The following RPGR variants were observed in gnomAD, a reference collection of about 807,000 sequenced individuals.
The protein encoded by RPGR is retinitis pigmentosa GTPase regulator, also known as X-linked retinitis pigmentosa GTPase regulator.
A neutral mutation model predicts 56.3 loss-of-function variants in RPGR; 10 were observed. That is an observed-to-expected ratio of 0.18 (90% CI 0.11 to 0.30). The LOEUF is 0.30. Ranked by LOEUF, RPGR falls within the 10% of genes least tolerant of loss-of-function variation. The probability of loss-of-function intolerance (pLI) is 1.00; values close to 1 mark genes in which losing one functional copy is unlikely to be tolerated. For missense variants in RPGR, 538 were observed against 590.9 expected (o/e 0.91, Z 0.93); for synonymous variants, 197 against 212.9 (o/e 0.93, Z 0.65).
rs200829873 is a variant in RPGR, at chrX:38,313,104, CAT to C, written c.620-2333_620-2332del. Among the ~76,000 whole-genome samples, 691 of 111,875 alleles carry C rather than the reference CAT, an allele frequency of 6.2e-3. 6 individuals are homozygous for C. The highest frequency in any genetic ancestry group is 0.028 in the Middle Eastern group (6 of 216). ...ACTTTTCTGTCTCTATATCTCTGCACATGTTTTTGTCTCTGCCTGGATTGTTC... is the reference window on the plus strand; with the variant it reads ...ACTTTTCTGTCTCTATATCTCTGCACGTTTTTGTCTCTGCCTGGATTGTTC... On this transcript the variant is annotated intron_variant, in intron 6 of 18. Transcript: ENST00000642395.
At chrX:38,290,935 C>T (rs963562214) in intron 13 of RPGR, 24 bp downstream of exon 13, 16 of 849,167 alleles carry the variant, frequency 1.9e-5, no homozygotes, top group Non-Finnish European at 2.7e-5. Context: ...CCAACAATAA[C>T]GAAAATAAAT....
At chrX:38,273,539 C>T in intron 17 of RPGR, 1 of 894,982 alleles carries the variant, frequency 1.1e-6, no homozygotes, top group Non-Finnish European at 1.6e-6. Flanking sequence ...AGACCTGATG[C>T]TCTCAGTGAA....
Position 38,276,668 on chromosome X carries a change from T to C in RPGR, c.2010A>G (p.Glu670=), listed in dbSNP as rs2066942790. 1 of 1,209,968 alleles carries C rather than the reference T, an allele frequency of 8.3e-7. No homozygotes were observed. The highest frequency in any genetic ancestry group is 1.7e-5 in the African/African-American group (1 of 57,777). ...TACTGTGATAACCTGTAGGAACACT[T>C]TCATCATCTCCCACAGTTTTCTTCT... The change falls in exon 16 of 19, where the codon GAA becomes GAG. Residue 670 remains glutamate, a synonymous_variant. Coordinates refer to ENST00000642395, the MANE Select transcript of RPGR (RefSeq NM_000328.3).
At chrX:38,316,909 G>C (rs2067837198) in intron 6 of RPGR, among the ~76,000 whole-genome samples, 1 of 111,849 alleles carries the variant, frequency 8.9e-6, no homozygotes, top group Non-Finnish European at 1.9e-5. Context: ...CAATTAGATG[G>C]AAAGTCATAA....
chrX:38,306,480 A>AATTGTAATCTAAT (rs1258123325), intron 7 of RPGR, among the ~76,000 whole-genome samples: 1 of 112,535 alleles, frequency 8.9e-6, no homozygotes, highest in Non-Finnish European at 1.9e-5. Flanking sequence ...TTTTCTAATA[A>AATTGTAATCTAAT]AAATGTTTGC....
intron 7 of RPGR, among the ~76,000 whole-genome samples, chrX:38,307,662 G>C (rs748175046): frequency 1.2e-3 from 131 of 111,437 alleles, no homozygotes; most frequent in African/African-American, 4.1e-3. Context: ...ATACTCTTCA[G>C]GTCCATTTCT....
At chrX:38,287,300 GT>G in intron 14 of RPGR, 55 bp from the exon 15 acceptor site, 1 of 1,201,362 alleles carries the variant, frequency 8.3e-7, no homozygotes, top group Non-Finnish European at 1.1e-6. Flanking sequence ...GATATTATGG[GT>G]TTAGTCTCTT....
intron 15 of RPGR, among the ~76,000 whole-genome samples, chrX:38,284,130 G>C (rs1601914913): frequency 2.7e-5 from 3 of 111,292 alleles, no homozygotes; most frequent in Middle Eastern, 4.6e-3. Flanking sequence ...CTGTGCAAAA[G>C]AACTCAACTA....
Position 38,287,888 on chromosome X carries a change from T to A in RPGR, c.1726A>T (p.Ile576Phe). 1 of 1,210,869 alleles carries A rather than the reference T, an allele frequency of 8.3e-7. No homozygotes were observed. The highest frequency in any genetic ancestry group is 1.1e-6 in the Non-Finnish European group (1 of 894,801). ...ACTTCCTCATCTGAAAATGCTTCGA[T>A]AGTCGTAGCTGGCTGCGTCATGAAA... is the stretch of plus-strand genomic sequence containing the variant. The change falls in exon 14 of 19, where the codon ATC becomes TTC. Residue 576 changes from isoleucine to phenylalanine, a missense_variant. Ile to Phe is a conservative substitution (Grantham distance 21). Transcript: ENST00000642395.
intron 7 of RPGR, among the ~76,000 whole-genome samples, chrX:38,307,546 AAG>A (rs755064553): frequency 8.9e-6 from 1 of 112,327 alleles, no homozygotes; most frequent in Admixed American, 9.4e-5. Flanking sequence ...TCTTTAGTGA[AAG>A]AAATTGGAAC....
intron 9 of RPGR, 34 bp from the exon 10 acceptor site, chrX:38,299,175 A>G (rs368860621): frequency 8.5e-5 from 100 of 1,180,832 alleles, no homozygotes; most frequent in Non-Finnish European, 1.1e-4. Context: ...ACTCATCAAC[A>G]TTGGCTTCAA....
chrX:38,310,839 C>CA, intron 6 of RPGR, 66 bp from the exon 7 acceptor site: 15 of 1,072,546 alleles, frequency 1.4e-5, no homozygotes, highest in African/African-American at 1.8e-5. Flanking sequence ...GTCTTACCGT[C>CA]AAAAAAAAGT....
At chrX:38,309,351 T>C (rs764487960) in intron 7 of RPGR, among the ~76,000 whole-genome samples, 8 of 112,129 alleles carry the variant, frequency 7.1e-5, no homozygotes, top group African/African-American at 2.3e-4. Flanking sequence ...CTACACATTG[T>C]AAATGTCACA....
chrX:38,292,656 A>C lies in RPGR; in HGVS notation c.1415-1172T>G, dbSNP rs766168402. On this transcript the variant is annotated intron_variant, in intron 11 of 18. Coordinates refer to ENST00000642395, the MANE Select transcript of RPGR (RefSeq NM_000328.3). ...TTTATCGTCTATATTTAAGGTATAAAACATGTTTGGGTATACATATACTAA... is the reference window on the plus strand; with the variant it reads ...TTTATCGTCTATATTTAAGGTATAACACATGTTTGGGTATACATATACTAA... Among the ~76,000 whole-genome samples the C allele has an allele frequency of 2.3e-3, 263 of 112,642 alleles. 1 individual carries two copies. The highest frequency in any genetic ancestry group is 0.023 in the Middle Eastern group (5 of 218).
intron 11 of RPGR, among the ~76,000 whole-genome samples, chrX:38,294,198 C>T (rs1051086779): frequency 1.8e-5 from 2 of 111,252 alleles, no homozygotes; most frequent in Non-Finnish European, 3.8e-5. Context: ...TTTGCATTCA[C>T]GACACTACGC....
At chrX:38,287,436 A>G in intron 14 of RPGR, 191 bp from the exon 15 acceptor site, 1 of 645,255 alleles carries the variant, frequency 1.5e-6, no homozygotes, top group South Asian at 2.2e-5. Context: ...CATCAGCTAT[A>G]CCCTGTTGAC....
intron 16 of RPGR, among the ~76,000 whole-genome samples, chrX:38,276,195 AACATACACAGGTGTGTGTAC>A (rs1454055166): frequency 1.8e-5 from 2 of 111,953 alleles, no homozygotes; most frequent in Non-Finnish European, 3.8e-5. Flanking sequence ...CACACATGTA[AACATACACAGGTGTGTGTAC>A]ACATACACAC....
chrX:38,312,443 A>G (rs1467804760), intron 6 of RPGR, among the ~76,000 whole-genome samples: 1 of 111,147 alleles, frequency 9.0e-6, no homozygotes, highest in Non-Finnish European at 1.9e-5. Context: ...TATCAGATGC[A>G]TCTTCCAAAA....
intron 7 of RPGR, among the ~76,000 whole-genome samples, chrX:38,306,080 A>G (rs1297912116): frequency 8.9e-6 from 1 of 112,208 alleles, no homozygotes; most frequent in African/African-American, 3.2e-5. Context: ...TAGAGACATC[A>G]TGCTCCTGGC....
Sources: gnomAD v4.1 joint callset for allele counts (sites outside exome capture counted in the v4.1 genomes callset) on GRCh38, gnomAD v4.1.1 for gene constraint, MANE v1.5 for transcripts, NCBI Gene and HGNC (gene_info 2026-07-23, HGNC 2026-07-21) for gene names.